The following CCDC91 variants were observed in gnomAD, a reference collection of about 807,000 sequenced individuals.
The protein encoded by CCDC91 is coiled-coil domain containing 91.
In CCDC91, 48 loss-of-function variants were observed where a neutral mutation model predicts 63.2. The ratio of observed to expected loss-of-function variants is 0.76; its 90% CI spans 0.60 to 0.97. The LOEUF is 0.97. Among genes scored for constraint, CCDC91 ranks in the 50% least tolerant of loss-of-function variants. The probability of loss-of-function intolerance (pLI) is 0.00; values close to 1 mark genes in which losing one functional copy is unlikely to be tolerated. For synonymous variants in CCDC91, 167 were observed against 165.8 expected (o/e 1.01, Z -0.06); for missense variants, 500 against 494.6 (o/e 1.01, Z -0.10).
intron 6 of CCDC91, among the ~76,000 whole-genome samples, chr12:28,335,521 C>A (rs1941906755): frequency 6.6e-6 from 1 of 150,806 alleles, no homozygotes; most frequent in African/African-American, 2.4e-5. Flanking sequence ...GATCCTCCTA[C>A]CTCAGTCTCT....
In CCDC91 at chr12:28,471,603, T is replaced by C. The variant is rs549754733; in HGVS notation, c.1102-12449T>C. ...GTTTGGAGATAGGTCAAGGAAGTTGTATCTCCAAGAAGACAAACAGAATGT... is the reference window on the plus strand; with the variant it reads ...GTTTGGAGATAGGTCAAGGAAGTTGCATCTCCAAGAAGACAAACAGAATGT... On this transcript the variant is annotated intron_variant, in intron 11 of 12. Transcript: ENST00000536442. Among the ~76,000 whole-genome samples, 89 of 152,264 alleles carry C rather than the reference T, an allele frequency of 5.8e-4. 1 individual carries two copies. The highest frequency in any genetic ancestry group is 2.0e-3 in the African/African-American group (85 of 41,554).
intron 7 of CCDC91, among the ~76,000 whole-genome samples, chr12:28,379,067 G>A (rs958408513): frequency 6.6e-6 from 1 of 151,990 alleles, no homozygotes; most frequent in Non-Finnish European, 1.5e-5. Flanking sequence ...TTAGCTGATA[G>A]TCAAAGGAAT....
At chr12:28,337,103 C>G (rs2137856148) in intron 6 of CCDC91, among the ~76,000 whole-genome samples, 1 of 152,156 alleles carries the variant, frequency 6.6e-6, no homozygotes, top group East Asian at 1.9e-4. Context: ...GCTTTTCCAT[C>G]CAGGTCAATT....
intron 8 of CCDC91, among the ~76,000 whole-genome samples, chr12:28,431,444 G>A (rs746680088): frequency 1.3e-5 from 2 of 152,014 alleles, no homozygotes; most frequent in African/African-American, 4.8e-5. Flanking sequence ...TCTTCCTGTT[G>A]TTATTTTGTA....
At chr12:28,505,278 C>T (rs1938558385) in intron 12 of CCDC91, 1 of 151,828 alleles carries the variant, frequency 6.6e-6, no homozygotes, top group African/African-American at 2.4e-5. Context: ...GCACTGAAAT[C>T]CCATCTTACT....
chr12:28,446,061 T>C (rs1949484039), intron 8 of CCDC91, among the ~76,000 whole-genome samples: 1 of 152,140 alleles, frequency 6.6e-6, no homozygotes, highest in Non-Finnish European at 1.5e-5. Context: ...GAGCAAGGCA[T>C]GGGACTAAAA....
intron 8 of CCDC91, among the ~76,000 whole-genome samples, chr12:28,396,584 A>T (rs1946298243): frequency 6.6e-6 from 1 of 151,882 alleles, no homozygotes; most frequent in Non-Finnish European, 1.5e-5. Flanking sequence ...AAGGGAAGAG[A>T]AACCGGAGAC....
chr12:28,287,018 A>G (rs1347045071), intron 3 of CCDC91, among the ~76,000 whole-genome samples: 1 of 151,828 alleles, frequency 6.6e-6, no homozygotes, highest in African/African-American at 2.4e-5. Context: ...GTCTTCTTTT[A>G]AAAAGTGTTC....
At chr12:28,530,191 T>C (rs1042806355) in intron 12 of CCDC91, among the ~76,000 whole-genome samples, 3 of 152,198 alleles carry the variant, frequency 2.0e-5, no homozygotes, top group Non-Finnish European at 4.4e-5. Context: ...ACTTTGAGTC[T>C]ATGTCATAAA....
chr12:28,426,389 C>T (rs537490075), intron 8 of CCDC91, among the ~76,000 whole-genome samples: 1 of 152,264 alleles, frequency 6.6e-6, no homozygotes, highest in African/African-American at 2.4e-5. Flanking sequence ...CTATTGAAAG[C>T]TATTACTTGA....
intron 3 of CCDC91, among the ~76,000 whole-genome samples, chr12:28,289,691 T>TC (rs1348486584): frequency 1.1e-4 from 9 of 85,176 alleles, no homozygotes; most frequent in South Asian, 3.9e-4. Context: ...TTTTCTTTTT[T>TC]TTTTTTTTTT....
At chr12:28,313,594 A>G (rs1375713564) in intron 6 of CCDC91, among the ~76,000 whole-genome samples, 1 of 152,066 alleles carries the variant, frequency 6.6e-6, no homozygotes, top group African/African-American at 2.4e-5. Context: ...AACATTAATG[A>G]TTACAGATAA....
At chr12:28,302,868 A>G (rs1160664591) in intron 3 of CCDC91, 2 of 152,682 alleles carry the variant, frequency 1.3e-5, no homozygotes, top group African/African-American at 4.8e-5. Context: ...TGTATTGGGT[A>G]TCATTAGCTT....
chr12:28,261,204 C>T (rs1479245234), intron 3 of CCDC91, among the ~76,000 whole-genome samples: 1 of 151,802 alleles, frequency 6.6e-6, no homozygotes, highest in East Asian at 1.9e-4. Context: ...ACAGATGGAG[C>T]CTTAATGAAT....
chr12:28,292,264 A>G (rs1158455501), intron 3 of CCDC91, among the ~76,000 whole-genome samples: 1 of 152,232 alleles, frequency 6.6e-6, no homozygotes, highest in East Asian at 1.9e-4. Flanking sequence ...CCAACAATGC[A>G]AAAACTGCAG....
At chr12:28,396,505 G>A (rs1264587270) in intron 8 of CCDC91, among the ~76,000 whole-genome samples, 1 of 152,086 alleles carries the variant, frequency 6.6e-6, no homozygotes, top group African/African-American at 2.4e-5. Context: ...ACCCAAATGA[G>A]AATGTTGGTA....
chr12:28,279,801 ATT>A (rs1198506886), intron 3 of CCDC91, among the ~76,000 whole-genome samples: 1 of 151,882 alleles, frequency 6.6e-6, no homozygotes, highest in Non-Finnish European at 1.5e-5. Flanking sequence ...TAGAAACTTT[ATT>A]TTTCTTTCTG....
At position 28,384,736 on chromosome 12, in the gene CCDC91, C is replaced by A. The variant is rs575265119; in HGVS notation, c.655-6568C>A. ...TAAAACTGATTTTTTTTTTGTACCA[C>A]TGTGTCTTTTCATGTGATTTTGGCC... is the stretch of plus-strand genomic sequence containing the variant. On this transcript the variant is annotated intron_variant, in intron 7 of 12. Transcript: ENST00000536442. 7.9e-5 allele frequency among the ~76,000 whole-genome samples: 12 copies of A among 151,882 alleles called. No homozygotes were observed. The East Asian group carries it at 1.7e-3, about 22-fold the overall frequency.
intron 7 of CCDC91, among the ~76,000 whole-genome samples, chr12:28,383,027 G>T (rs552370561): frequency 6.6e-6 from 1 of 152,154 alleles, no homozygotes; most frequent in East Asian, 1.9e-4. Context: ...CTTAATTTTA[G>T]AAACTTCTTA....
Sources: allele counts gnomAD v4.1 joint callset (sites outside exome capture counted in the v4.1 genomes callset), GRCh38; gene constraint gnomAD v4.1.1; transcripts MANE v1.5; gene names NCBI Gene and HGNC (gene_info 2026-07-23, HGNC 2026-07-21).